Variants in ACAD8 observed in about 807,000 individuals in gnomAD.
ACAD8 encodes the protein acyl-CoA dehydrogenase family member 8.
In ACAD8, 47 loss-of-function variants were observed where a neutral mutation model predicts 53.1. The observed-to-expected ratio is 0.89, with a 90% CI of 0.70 to 1.13. The LOEUF is 1.13. Ranked by LOEUF, ACAD8 falls within the 50% of genes most tolerant of loss-of-function variation. ACAD8 has a pLI of 0.00. For missense variants in ACAD8, 494 were observed against 535.0 expected (o/e 0.92, Z 0.76); for synonymous variants, 198 against 201.3 (o/e 0.98, Z 0.14).
At position 134,253,702 on chromosome 11, in the gene ACAD8, C is replaced by T; in HGVS notation, c.102C>T (p.Cys34=). The T allele has an allele frequency of 6.3e-7, 1 of 1,597,650 alleles. No individual in the cohort carries two copies. Among genetic ancestry groups the T allele is most frequent in the South Asian group, 1.1e-5 (1 of 88,898 alleles). ...CCGGCCACCGGAGCTTGACCTCCTG[C>T]ATCGACCGTAAGGATCTCCTGGCGG... is the stretch of plus-strand genomic sequence containing the variant. The part of the protein sequence containing the change: ...VQTGHRSLTS[C]IDPSMGLNEE... Residue 34 remains cysteine, a synonymous_variant, in exon 1 of 11, where the codon TGC becomes TGT. Coordinates refer to ENST00000281182, the MANE Select transcript of ACAD8 (RefSeq NM_014384.3).
intron 10 of ACAD8, chr11:134,263,453 T>G: frequency 1.0e-6 from 1 of 983,732 alleles, no homozygotes; most frequent in South Asian, 4.7e-5. Flanking sequence ...TGGGAATTTG[T>G]ATCTGCAACA....
In ACAD8 at chr11:134,261,910, C is replaced by G; in HGVS notation, c.1092+20C>G. On this transcript the variant is annotated intron_variant, in intron 9 of 10. Coordinates refer to ENST00000281182, the MANE Select transcript of ACAD8 (RefSeq NM_014384.3). The surrounding 1 kb of genome is among the most constrained non-coding windows in gnomAD (Gnocchi z 4.2). ...TTTGCCGTAAGTGATTCCTCTGGCT[C>G]TCCTGGGATGGACAGGGAACAGCTG... The G allele has an allele frequency of 6.2e-7, 1 of 1,613,044 alleles. No homozygotes were observed. The highest frequency in any genetic ancestry group is 1.1e-5 in the South Asian group (1 of 91,000).
At position 134,261,893 on chromosome 11, in the gene ACAD8, A is replaced by T; in HGVS notation, c.1092+3A>T. 1 of 1,613,826 alleles carries T rather than the reference A, an allele frequency of 6.2e-7. No individual in the cohort carries two copies. The highest frequency in any genetic ancestry group is 8.5e-7 in the Non-Finnish European group (1 of 1,180,014). ...TTGCTACAGATGAATGCTTTGCCGTAAGTGATTCCTCTGGCTCTCCTGGGA... is the reference window on the plus strand; with the variant it reads ...TTGCTACAGATGAATGCTTTGCCGTTAGTGATTCCTCTGGCTCTCCTGGGA... On this transcript the variant is annotated splice_donor_region_variant and intron_variant, in intron 9 of 10. Transcript: ENST00000281182. The surrounding 1 kb of genome is among the most constrained non-coding windows in gnomAD (Gnocchi z 4.2).
At chr11:134,255,064 G>A (rs993849798) in intron 1 of ACAD8, among the ~76,000 whole-genome samples, 2 of 152,184 alleles carry the variant, frequency 1.3e-5, no homozygotes, top group Admixed American at 1.3e-4. Flanking sequence ...GCCATTTACA[G>A]AAGAAGAAGA....
intron 3 of ACAD8, chr11:134,258,033 G>A: frequency 4.6e-6 from 1 of 218,234 alleles, no homozygotes; most frequent in Admixed American, 5.3e-5. Flanking sequence ...TTCATATTTA[G>A]TAGAGATGGG....
rs1471189351 is a variant in ACAD8, at chr11:134,261,033, A to G, written c.706-11A>G. 1 of 1,611,814 alleles carries G rather than the reference A, an allele frequency of 6.2e-7. No homozygotes were observed. Among genetic ancestry groups the G allele is most frequent in the East Asian group, 2.2e-5 (1 of 44,798 alleles). ...TTGTTGGGCAACCACGCAGTCCCTG[A>G]TTTTTGCCAGGTGGGGTGGAACTCC... is the stretch of plus-strand genomic sequence containing the variant. On this transcript the variant is annotated splice_polypyrimidine_tract_variant and intron_variant, in intron 6 of 10. Coordinates refer to ENST00000281182, the MANE Select transcript of ACAD8 (RefSeq NM_014384.3). This position sits in a 1 kb window ranked among gnomAD's most constrained non-coding sequence, Gnocchi z 4.2.
chr11:134,262,461 A>T (rs1006759224), intron 9 of ACAD8, 59 bp from the exon 10 acceptor site: 9 of 1,206,402 alleles, frequency 7.5e-6, no homozygotes, highest in Middle Eastern at 2.1e-4. Flanking sequence ...TAGGAAGGGA[A>T]GCTGCTTGCT....
At chr11:134,257,305 A>G (rs1425432972) in intron 3 of ACAD8, 48 bp downstream of exon 3, 5 of 1,600,492 alleles carry the variant, frequency 3.1e-6, no homozygotes, top group Non-Finnish European at 4.3e-6. Flanking sequence ...ACTCGGGCTG[A>G]CTGTGAGAGT....
Position 134,256,652 on chromosome 11 carries a change from G to C in ACAD8, c.210+4G>C. 1.2e-6 allele frequency: 2 copies of C among 1,613,952 alleles called. No individual in the cohort carries two copies. Among genetic ancestry groups the C allele is most frequent in the Non-Finnish European group, 1.7e-6 (2 of 1,179,870 alleles). On this transcript the variant is annotated splice_donor_region_variant and intron_variant, in intron 2 of 10. Transcript: ENST00000281182. ...TATGGCAGAGTGGGACCAGAAGGTA[G>C]GCGTTTTTCTTGTGCTTAGACGTTC...
chr11:134,264,040 A>G, intron 10 of ACAD8: 1 of 985,168 alleles, frequency 1.0e-6, no homozygotes, highest in Non-Finnish European at 1.2e-6. Context: ...TATTGTTGAA[A>G]CCTTATAAAA....
At chr11:134,254,696 A>G (rs1939380326) in intron 1 of ACAD8, among the ~76,000 whole-genome samples, 1 of 152,194 alleles carries the variant, frequency 6.6e-6, no homozygotes, top group South Asian at 2.1e-4. Context: ...CAGATAAGGA[A>G]TTATTTAGAG....
intron 10 of ACAD8, chr11:134,262,832 A>G: frequency 1.4e-6 from 2 of 1,448,386 alleles, no homozygotes; most frequent in Non-Finnish European, 1.8e-6. Flanking sequence ...GGGGCCTCAG[A>G]TCGCTCTGCT....
At chr11:134,260,002 T>G in intron 6 of ACAD8, 1 of 1,317,492 alleles carries the variant, frequency 7.6e-7, no homozygotes, top group Non-Finnish European at 9.8e-7. Context: ...CTCCTGCCTC[T>G]GCTTTTGGCC....
chr11:134,258,361 T>A, intron 3 of ACAD8, 154 bp from the exon 4 acceptor site: 1 of 690,348 alleles, frequency 1.4e-6, no homozygotes, highest in Non-Finnish European at 2.6e-6. Context: ...ACCGTTTGCC[T>A]TTAAAGAGTC....
At chr11:134,257,333 A>G (rs1286796502) in intron 3 of ACAD8, 76 bp downstream of exon 3, 2 of 1,568,462 alleles carry the variant, frequency 1.3e-6, no homozygotes, top group Non-Finnish European at 1.7e-6. Flanking sequence ...CGTAGGAAAA[A>G]GATTGATCTT....
rs202028201 is a variant in ACAD8 at position 134,259,761 on chromosome 11, A to G, written c.705+16A>G. 6.2e-7 allele frequency: 1 copy of G among 1,614,154 alleles called. No homozygotes were observed. The highest frequency in any genetic ancestry group is 8.5e-7 in the Non-Finnish European group (1 of 1,180,002). ...GGAGAAAAAGGTGAGTGGCTGTTGG[A>G]CAGGAAACAATTCAGGTTATGAGAC... is the stretch of plus-strand genomic sequence containing the variant. On this transcript the variant is annotated intron_variant, in intron 6 of 10. Coordinates refer to ENST00000281182, the MANE Select transcript of ACAD8 (RefSeq NM_014384.3).
intron 1 of ACAD8, among the ~76,000 whole-genome samples, chr11:134,254,928 T>G (rs1939409000): frequency 6.6e-6 from 1 of 152,266 alleles, no homozygotes; most frequent in African/African-American, 2.4e-5. Flanking sequence ...TTATACTGTA[T>G]TTCCTTCTGG....
At chr11:134,255,809 C>G (rs1217678066) in intron 1 of ACAD8, among the ~76,000 whole-genome samples, 2 of 152,224 alleles carry the variant, frequency 1.3e-5, no homozygotes, top group African/African-American at 4.8e-5. Context: ...ACTCTGGCAC[C>G]TGCCCTTGTG....
chr11:134,256,006 A>G (rs1257528423), intron 1 of ACAD8, among the ~76,000 whole-genome samples: 1 of 148,482 alleles, frequency 6.7e-6, no homozygotes, highest in Non-Finnish European at 1.5e-5. Context: ...CCTGGGTTCA[A>G]GCGATTCTCC....
Sources: allele counts gnomAD v4.1 joint callset (sites outside exome capture counted in the v4.1 genomes callset), GRCh38; gene constraint gnomAD v4.1.1; non-coding constraint Gnocchi (gnomAD v3.1); transcripts MANE v1.5; gene names NCBI Gene and HGNC (gene_info 2026-07-23, HGNC 2026-07-21).